Variants in ESRRG observed in about 807,000 individuals in gnomAD.
ESRRG encodes estrogen related receptor gamma.
A neutral mutation model predicts 44.0 loss-of-function variants in ESRRG; 13 were observed. The observed-to-expected ratio is 0.30, with a 90% CI of 0.19 to 0.47. The LOEUF (loss-of-function observed/expected upper bound fraction) is 0.47. Ranked by LOEUF, ESRRG falls within the 20% of genes least tolerant of loss-of-function variation. The pLI is 1.00. For missense variants in ESRRG, 395 were observed against 580.6 expected (o/e 0.68, Z 3.29); for synonymous variants, 215 against 214.6 (o/e 1.00, Z -0.02).
chr1:216,823,113 G>C (rs1032358198), intron 2 of ESRRG, among the ~76,000 whole-genome samples: 1 of 151,606 alleles, frequency 6.6e-6, no homozygotes, highest in African/African-American at 2.4e-5. Context: ...GAGAACCTTC[G>C]ACTAACATCT....
At chr1:216,625,106 G>A (rs1345468930) in intron 3 of ESRRG, among the ~76,000 whole-genome samples, 2 of 151,866 alleles carry the variant, frequency 1.3e-5, no homozygotes, top group South Asian at 2.1e-4. Flanking sequence ...CTTATACGTG[G>A]GCCAATGAAA....
intron 1 of ESRRG, among the ~76,000 whole-genome samples, chr1:217,007,549 C>T (rs2818761): frequency 0.19 from 28,584 of 152,078 alleles, 2,960 homozygotes; most frequent in East Asian, 0.46. Flanking sequence ...TTTATGACTT[C>T]CTTTGGAGGA....
intron 2 of ESRRG, among the ~76,000 whole-genome samples, chr1:216,872,317 A>C (rs1482943700): frequency 6.6e-6 from 1 of 152,116 alleles, no homozygotes; most frequent in Non-Finnish European, 1.5e-5. Context: ...ACTGAACCTG[A>C]ATCTATGGGT....
chr1:216,526,814 G>A (rs988535241), intron 5 of ESRRG, among the ~76,000 whole-genome samples: 1 of 152,080 alleles, frequency 6.6e-6, no homozygotes, highest in Admixed American at 6.5e-5. Context: ...CCATGGACTG[G>A]GAGTAAATAG....
rs553118420 is a variant in ESRRG, at chr1:216,923,458, AT to A, written c.-14+16123del. 7.7e-4 allele frequency among the ~76,000 whole-genome samples: 115 copies of A among 150,034 alleles called. 1 individual carries two copies. Among genetic ancestry groups the A allele is most frequent in the South Asian group, 3.4e-3 (16 of 4,714 alleles). ...TTACCAAAAATCGGGACTTTTCTGCATTTTTTTTTTCAAAAAAATAATGTGG... is the reference window on the plus strand; with the variant it reads ...TTACCAAAAATCGGGACTTTTCTGCATTTTTTTTTCAAAAAAATAATGTGG... On this transcript the variant is annotated intron_variant, in intron 2 of 7. Coordinates refer to the ESRRG transcript ENST00000359162.
intron 6 of ESRRG, among the ~76,000 whole-genome samples, chr1:216,517,018 A>G (rs2044538247): frequency 6.6e-6 from 1 of 152,112 alleles, no homozygotes. Flanking sequence ...TAGTCCTTAG[A>G]GTTCTTAATC....
chr1:216,710,150 G>T (rs776138665), intron 1 of ESRRG, among the ~76,000 whole-genome samples: 1 of 152,058 alleles, frequency 6.6e-6, no homozygotes, highest in Non-Finnish European at 1.5e-5. Context: ...CAGTCCTGCC[G>T]TCTTTTTAAA....
upstream of ESRRG, among the ~76,000 whole-genome samples, chr1:217,093,747 CA>C (rs2092384241): frequency 6.6e-6 from 1 of 151,578 alleles, no homozygotes; most frequent in Non-Finnish European, 1.5e-5. Context: ...CGCACCACTG[CA>C]CTCCAGCTGA....
intron 2 of ESRRG, among the ~76,000 whole-genome samples, chr1:216,801,684 T>C (rs1434659553): frequency 6.6e-6 from 1 of 152,174 alleles, no homozygotes; most frequent in East Asian, 1.9e-4. Flanking sequence ...ATCTCCCTAA[T>C]GATTAGTGAC....
intron 1 of ESRRG, among the ~76,000 whole-genome samples, chr1:216,995,674 A>G (rs1185239363): frequency 6.6e-6 from 1 of 152,056 alleles, no homozygotes; most frequent in African/African-American, 2.4e-5. Context: ...TTCACTTTCC[A>G]CCTATACTAG....
At chr1:217,082,148 C>T (rs921068422) in intron 1 of ESRRG, among the ~76,000 whole-genome samples, 3 of 152,184 alleles carry the variant, frequency 2.0e-5, no homozygotes, top group Non-Finnish European at 4.4e-5. Flanking sequence ...CTTCCTGCTT[C>T]CTCCCTGAAG....
At chr1:216,540,682 C>A (rs897073290) in intron 5 of ESRRG, among the ~76,000 whole-genome samples, 11 of 151,830 alleles carry the variant, frequency 7.2e-5, no homozygotes, top group African/African-American at 2.7e-4. Flanking sequence ...AGGATCAAGA[C>A]CTAGAAAGCA....
intron 3 of ESRRG, among the ~76,000 whole-genome samples, chr1:216,598,909 T>C (rs988606027): frequency 7.9e-5 from 12 of 152,140 alleles, no homozygotes; most frequent in African/African-American, 2.7e-4. Context: ...CTCAAAGCTT[T>C]TGAAATCTAG....
Position 217,133,641 on chromosome 1 carries a change from C to CTT in ESRRG, c.-230+4025_-230+4026insAA, listed in dbSNP as rs748711287. Among the ~76,000 whole-genome samples, 264 of 41,748 alleles carry CTT rather than the reference C, an allele frequency of 6.3e-3. 1 individual carries two copies. Among genetic ancestry groups the CTT allele is most frequent in the African/African-American group, 0.017 (233 of 13,596 alleles). 27.4% of individuals were successfully genotyped at this position (41,748 alleles called of 152,430 possible). A position where few individuals can be genotyped will look rare whatever the true frequency, so the allele number is the denominator to read the frequency against. On this transcript the variant is annotated intron_variant, in intron 1 of 8. Transcript: ENST00000366940. The stretch of plus-strand genomic sequence containing the variant: ...TCTTTCTTTCTTTCTTTCTCTCTCT[C>CTT]TCTCTCTTTCTTTCTTTCTTTCTTT...
intron 3 of ESRRG, among the ~76,000 whole-genome samples, chr1:216,612,521 C>T (rs1207028038): frequency 1.3e-5 from 2 of 152,114 alleles, no homozygotes; most frequent in Non-Finnish European, 2.9e-5. Context: ...CTTTACAGTT[C>T]CTTCCTCTCC....
At chr1:216,754,476 G>A (rs1415351879) in intron 2 of ESRRG, among the ~76,000 whole-genome samples, 1 of 151,960 alleles carries the variant, frequency 6.6e-6, no homozygotes, top group Non-Finnish European at 1.5e-5. Context: ...CCTTTTGGGA[G>A]CATCTTTCCT....
intron 2 of ESRRG, among the ~76,000 whole-genome samples, chr1:216,846,624 G>A (rs1481537085): frequency 6.6e-6 from 1 of 152,118 alleles, no homozygotes; most frequent in African/African-American, 2.4e-5. Context: ...TTCTCAAGAT[G>A]CATAAAAGTG....
intron 3 of ESRRG, among the ~76,000 whole-genome samples, chr1:216,583,312 T>C (rs1204605329): frequency 1.3e-5 from 2 of 152,240 alleles, no homozygotes; most frequent in Non-Finnish European, 2.9e-5. Flanking sequence ...GTACACCTAC[T>C]GAAGTCAATG....
chr1:216,987,946 C>T (rs897946606), intron 1 of ESRRG, among the ~76,000 whole-genome samples: 2 of 152,150 alleles, frequency 1.3e-5, no homozygotes, highest in Admixed American at 1.3e-4. Context: ...CAGAGTTTCC[C>T]AGCAAGACTG....
Sources: allele counts gnomAD v4.1 joint callset (sites outside exome capture counted in the v4.1 genomes callset), GRCh38; gene constraint gnomAD v4.1.1; transcripts MANE v1.5; gene names NCBI Gene and HGNC (gene_info 2026-07-23, HGNC 2026-07-21).